The following PKD1L1 variants were observed in gnomAD, a reference collection of about 807,000 sequenced individuals.
The protein encoded by PKD1L1 is polycystin-1-like protein 1.
In PKD1L1, 236 loss-of-function variants were observed where a neutral mutation model predicts 323.4. The ratio of observed to expected loss-of-function variants is 0.73; its 90% CI spans 0.66 to 0.81. The LOEUF is 0.81. Among genes scored for constraint, PKD1L1 ranks in the 40% least tolerant of loss-of-function variants. The pLI is 0.00. For synonymous variants in PKD1L1, 1,344 were observed against 1,335.0 expected (o/e 1.01, Z -0.15); for missense variants, 3,320 against 3,508.0 (o/e 0.95, Z 1.35).
At position 47,831,299 on chromosome 7, in the gene PKD1L1, G is replaced by C; in HGVS notation, c.6391C>G (p.Pro2131Ala). Residue 2131 changes from proline to alanine, a missense_variant, in exon 42 of 57, where the codon CCT (proline) becomes GCT (alanine). Coordinates refer to ENST00000289672, the MANE Select transcript of PKD1L1 (RefSeq NM_138295.5). ...LMPQWSRALQPWWSSAVWAIC... is the reference protein window; with the variant it reads ...LMPQWSRALQAWWSSAVWAIC... ...GCCCACACTGCAGAGCTCCACCAAG[G>C]CTGAAGGGCCCTTGACCACTGGGGC... 6.2e-7 allele frequency: 1 copy of C among 1,614,134 alleles called. No individual in the cohort carries two copies. The highest frequency in any genetic ancestry group is 1.6e-4 in the Middle Eastern group (1 of 6,062).
At chr7:47,809,251 C>A in intron 51 of PKD1L1, 2 of 430,274 alleles carry the variant, frequency 4.6e-6, no homozygotes, top group South Asian at 3.7e-5. Flanking sequence ...CTTATGGGAC[C>A]ACCACCTTGG....
At chr7:47,832,199 C>T (rs913672422) in intron 41 of PKD1L1, among the ~76,000 whole-genome samples, 4 of 152,324 alleles carry the variant, frequency 2.6e-5, no homozygotes, top group African/African-American at 4.8e-5. Flanking sequence ...GGGACAGTGG[C>T]GTTGTCCTAA....
intron 31 of PKD1L1, among the ~76,000 whole-genome samples, chr7:47,847,369 A>G (rs1391702622): frequency 6.6e-6 from 1 of 152,192 alleles, no homozygotes; most frequent in Non-Finnish European, 1.5e-5. Context: ...CACCCTGAAC[A>G]GGCCACACCC....
chr7:47,785,588 C>T (rs181042015), intron 56 of PKD1L1, among the ~76,000 whole-genome samples: 4 of 152,190 alleles, frequency 2.6e-5, no homozygotes, highest in East Asian at 3.9e-4. Flanking sequence ...GAAGTTAAGT[C>T]GCTTTCCTAC....
intron 55 of PKD1L1, chr7:47,795,514 A>T (rs192295432): frequency 2.7e-6 from 1 of 371,532 alleles, no homozygotes; most frequent in Non-Finnish European, 5.3e-6. Flanking sequence ...AAAACAAACT[A>T]ATATATCAGC....
At chr7:47,888,656 C>T (rs1258224532) in intron 16 of PKD1L1, among the ~76,000 whole-genome samples, 2 of 152,278 alleles carry the variant, frequency 1.3e-5, no homozygotes, top group Non-Finnish European at 2.9e-5. Context: ...AGAAAGATGT[C>T]TCCACTGCCT....
chr7:47,855,189 G>T lies in PKD1L1; in HGVS notation c.4667C>A (p.Pro1556His). The change falls in exon 29 of 57, where the codon CCC becomes CAC. Residue 1556 changes from proline to histidine, a missense_variant. Pro to His is a moderately conservative substitution (Grantham distance 77, BLOSUM62 -2). Coordinates refer to ENST00000289672, the MANE Select transcript of PKD1L1 (RefSeq NM_138295.5). ...CTCCTCCCCAAACTCGACCATCACGGGTTTCCTTAGCCATTGCCTGTTGAT... is the reference window on the plus strand; with the variant it reads ...CTCCTCCCCAAACTCGACCATCACGTGTTTCCTTAGCCATTGCCTGTTGAT... ...RPINRQWLRK[P>H]VMVEFGEEDG... The T allele has an allele frequency of 6.2e-7, 1 of 1,614,112 alleles. No individual in the cohort carries two copies. Among genetic ancestry groups the T allele is most frequent in the Non-Finnish European group, 8.5e-7 (1 of 1,180,010 alleles).
chr7:47,931,031 C>T (rs749766374), intron 6 of PKD1L1, 73 bp downstream of exon 6: 72 of 1,415,498 alleles, frequency 5.1e-5, no homozygotes, highest in Middle Eastern at 2.5e-4. Flanking sequence ...AAATCACTAA[C>T]GGATTGGGCA....
rs1254938808 is a variant in PKD1L1, at chr7:47,779,979, T to C, written c.8527-4813A>G. On this transcript the variant is annotated intron_variant, in intron 56 of 56. Coordinates refer to ENST00000289672, the MANE Select transcript of PKD1L1 (RefSeq NM_138295.5). ...TGCACTGGTTTTTAAGTTAATACCA[T>C]TTTCAACTTATTGTAATTTTGTATG... 2.4e-4 allele frequency among the ~76,000 whole-genome samples: 36 copies of C among 152,232 alleles called. 1 individual carries two copies. Among genetic ancestry groups the C allele is most frequent in the Admixed American group, 2.3e-3 (35 of 15,286 alleles).
At chr7:47,817,002 G>A (rs1785032996) in intron 46 of PKD1L1, among the ~76,000 whole-genome samples, 1 of 152,184 alleles carries the variant, frequency 6.6e-6, no homozygotes, top group Non-Finnish European at 1.5e-5. Flanking sequence ...TTGGGAGGCT[G>A]AGGCAGGCAT....
chr7:47,923,774 C>G (rs901686812), intron 7 of PKD1L1, among the ~76,000 whole-genome samples: 1 of 151,948 alleles, frequency 6.6e-6, no homozygotes, highest in Non-Finnish European at 1.5e-5. Context: ...ATAGCATAAT[C>G]AAAAAGTAAT....
Position 47,835,045 on chromosome 7 carries a change from G to A in PKD1L1, c.6055-6C>T. On this transcript the variant is annotated splice_region_variant and splice_polypyrimidine_tract_variant and intron_variant, in intron 38 of 56. Coordinates refer to ENST00000289672, the MANE Select transcript of PKD1L1 (RefSeq NM_138295.5). ...CGGGCAGACCCCGGGGCTTCCTGCA[G>A]AAGGAAAGAGGTGGTTCGCCAAGCG... The A allele has an allele frequency of 6.2e-7, 1 of 1,613,712 alleles. No individual in the cohort carries two copies. The highest frequency in any genetic ancestry group is 8.5e-7 in the Non-Finnish European group (1 of 1,179,822).
At chr7:47,945,225 T>G (rs148282667) in intron 1 of PKD1L1, among the ~76,000 whole-genome samples, 485 of 152,324 alleles carry the variant, frequency 3.2e-3, no homozygotes, top group African/African-American at 0.011. Context: ...CTTTGTTCTT[T>G]CCCCTGAAAA....
intron 56 of PKD1L1, among the ~76,000 whole-genome samples, chr7:47,787,949 G>A (rs1001456487): frequency 2.6e-5 from 4 of 152,108 alleles, no homozygotes; most frequent in African/African-American, 9.7e-5. Flanking sequence ...GGGCTCAAGT[G>A]ATCCTCTAGC....
chr7:47,958,803 CT>C, the PKD1L1 span, among the ~76,000 whole-genome samples: 1 of 145,870 alleles, frequency 6.9e-6, no homozygotes, highest in East Asian at 2.0e-4. Context: ...CCCTCTCCCT[CT>C]CCCCACGGTC....
Position 47,898,015 on chromosome 7 carries a change from C to T in PKD1L1, c.2244G>A (p.Glu748=), listed in dbSNP as rs1398357285. Residue 748 remains glutamate (E), a synonymous_variant, in exon 14 of 57, where the codon GAG becomes GAA. Transcript: ENST00000289672. ...TGGCAAGGGCAGTGTAGTTCCCATA[C>T]TCCAAGGTGTGGCTCGGGAGGATGA... The part of the protein sequence containing the change: ...QTLILPSHTL[E]YGNYTALAKV... 6.2e-7 allele frequency: 1 copy of T among 1,612,638 alleles called. No individual in the cohort carries two copies. The highest frequency in any genetic ancestry group is 8.5e-7 in the Non-Finnish European group (1 of 1,179,882).
At chr7:47,886,122 A>G in intron 17 of PKD1L1, 68 bp from the exon 18 acceptor site, 6 of 1,528,876 alleles carry the variant, frequency 3.9e-6, no homozygotes, top group Non-Finnish European at 5.3e-6. Flanking sequence ...TAAAAAGTCT[A>G]CAGACTATGT....
intron 31 of PKD1L1, among the ~76,000 whole-genome samples, chr7:47,850,522 C>T (rs1785757195): frequency 6.6e-6 from 1 of 150,990 alleles, no homozygotes; most frequent in South Asian, 2.1e-4. Context: ...ATCTCAGCTA[C>T]CCACAAGGCT....
chr7:47,899,252 T>C (rs2128750117), intron 13 of PKD1L1, among the ~76,000 whole-genome samples: 1 of 152,376 alleles, frequency 6.6e-6, no homozygotes, highest in East Asian at 1.9e-4. Flanking sequence ...CCTTCTGGTA[T>C]GACCCTGGTA....
Sources: allele counts gnomAD v4.1 joint callset (sites outside exome capture counted in the v4.1 genomes callset), GRCh38; gene constraint gnomAD v4.1.1; transcripts MANE v1.5; gene names NCBI Gene and HGNC (gene_info 2026-07-23, HGNC 2026-07-21).